Variants in DMD observed in about 807,000 individuals in gnomAD.
The protein encoded by DMD is mutant dystrophin.
In DMD, 63 loss-of-function variants were observed where a neutral mutation model predicts 330.1. The ratio of observed to expected loss-of-function variants is 0.19; its 90% CI spans 0.16 to 0.24. The LOEUF (loss-of-function observed/expected upper bound fraction) is 0.24. Ranked by LOEUF, DMD falls within the 10% of genes least tolerant of loss-of-function variation. The pLI, the probability that DMD is intolerant of heterozygous loss-of-function variation, is 1.00. For missense variants in DMD, 3,344 were observed against 2,684.1 expected (o/e 1.25, Z -5.43); for synonymous variants, 1,223 against 959.8 (o/e 1.27, Z -5.07).
chrX:32,800,405 A>G (rs1171218347), intron 7 of DMD, among the ~76,000 whole-genome samples: 1 of 111,384 alleles, frequency 9.0e-6, no homozygotes, highest in Non-Finnish European at 1.9e-5. Flanking sequence ...TCTTTGAATC[A>G]TCATTGAGAT....
At chrX:31,556,202 C>T (rs2074810146) in intron 55 of DMD, among the ~76,000 whole-genome samples, 1 of 108,569 alleles carries the variant, frequency 9.2e-6, no homozygotes, top group Admixed American at 1.0e-4. Flanking sequence ...CCCATCTCTA[C>T]TAAAAATGCA....
intron 45 of DMD, among the ~76,000 whole-genome samples, chrX:31,936,329 A>G: frequency 1.8e-5 from 2 of 111,587 alleles, no homozygotes; most frequent in Middle Eastern, 4.6e-3. Flanking sequence ...TACTCAGAAC[A>G]CTCGTAAACT....
intron 1 of DMD, among the ~76,000 whole-genome samples, chrX:33,325,758 TG>T (rs1473467551): frequency 4.5e-5 from 5 of 112,308 alleles, no homozygotes; most frequent in Non-Finnish European, 5.6e-5. Flanking sequence ...GGGTGATTGG[TG>T]AACTCCATCA....
intron 7 of DMD, among the ~76,000 whole-genome samples, chrX:32,737,457 G>A (rs1464108801): frequency 9.1e-6 from 1 of 110,058 alleles, no homozygotes; most frequent in Admixed American, 9.8e-5. Context: ...TCTTGCTCCA[G>A]GATTTCTGAT....
chrX:33,200,714 G>A (rs2051211908), intron 1 of DMD, among the ~76,000 whole-genome samples: 1 of 110,216 alleles, frequency 9.1e-6, no homozygotes, highest in Non-Finnish European at 1.9e-5. Context: ...AAAGAGTAGT[G>A]CTACAAATTA....
Position 32,502,076 on chromosome X carries a change from C to CT in DMD, c.2293-235dup, listed in dbSNP as rs748417570. On this transcript the variant is annotated intron_variant, in intron 18 of 78. Coordinates refer to ENST00000357033, the MANE Select transcript of DMD (RefSeq NM_004006.3). ...TTTTAATTATAAGATTTCTACTCAG[C>CT]TTTTTTTTACATTATAGTTTCTGAT... Among the ~76,000 whole-genome samples the CT allele has an allele frequency of 1.0e-3, 116 of 110,973 alleles. 1 individual carries two copies. Among genetic ancestry groups the CT allele is most frequent in the East Asian group, 9.3e-3 (33 of 3,565 alleles).
intron 49 of DMD, among the ~76,000 whole-genome samples, chrX:31,833,452 T>C (rs1393408606): frequency 9.1e-6 from 1 of 110,285 alleles, no homozygotes; most frequent in Non-Finnish European, 1.9e-5. Context: ...GATCCTAAGA[T>C]TTTTCCAGTT....
chrX:33,042,627 T>C lies in DMD; in HGVS notation c.32-22427A>G, dbSNP rs895155119. 7.1e-5 allele frequency among the ~76,000 whole-genome samples: 8 copies of C among 112,688 alleles called. 1 individual carries two copies. The East Asian group carries it at 8.3e-4, about 12-fold the overall frequency. On this transcript the variant is annotated intron_variant, in intron 1 of 78. Transcript: ENST00000357033. ...ACCCGTAAGTGCTACTGATTTTTCA[T>C]TGAACTCAGAGGAGAAAGTTACTGG...
At chrX:33,132,651 C>T (rs2095505991) in intron 1 of DMD, among the ~76,000 whole-genome samples, 1 of 112,476 alleles carries the variant, frequency 8.9e-6, no homozygotes, top group Non-Finnish European at 1.9e-5. Flanking sequence ...GGTATTTAAA[C>T]TTTTAGCATC....
At chrX:32,882,333 G>T (rs775598339) in intron 2 of DMD, among the ~76,000 whole-genome samples, 102 of 111,815 alleles carry the variant, frequency 9.1e-4, no homozygotes, top group African/African-American at 3.2e-3. Context: ...TCTTCTCTTT[G>T]TCAATTTTTC....
At position 31,631,120 on chromosome X, in the gene DMD, A is replaced by G. The variant is rs151100969; in HGVS notation, c.8028-3258T>C. On this transcript the variant is annotated intron_variant, in intron 54 of 78. Coordinates refer to ENST00000357033, the MANE Select transcript of DMD (RefSeq NM_004006.3). ...AATGCAAATTCCCAGGCCTCAGCCT[A>G]GCTCTACTGAATCAGAGACTCTGTG... 8.3e-3 allele frequency among the ~76,000 whole-genome samples: 929 copies of G among 111,486 alleles called. 15 individuals are homozygous for G. Among genetic ancestry groups the G allele is most frequent in the African/African-American group, 0.028 (873 of 30,685 alleles).
At chrX:33,321,819 G>C (rs766256999) in intron 1 of DMD, among the ~76,000 whole-genome samples, 1 of 111,394 alleles carries the variant, frequency 9.0e-6, no homozygotes, top group African/African-American at 3.2e-5. Context: ...AGAACTTCTG[G>C]ATAACTTGCT....
chrX:32,827,384 T>A (rs1411189052), intron 4 of DMD, among the ~76,000 whole-genome samples: 1 of 111,065 alleles, frequency 9.0e-6, no homozygotes, highest in Non-Finnish European at 1.9e-5. Flanking sequence ...GAATTGGAGA[T>A]ATTATATTCA....
chrX:32,714,876 A>T (rs912178696), intron 7 of DMD, among the ~76,000 whole-genome samples: 1 of 111,797 alleles, frequency 8.9e-6, no homozygotes, highest in African/African-American at 3.3e-5. Flanking sequence ...TACACATGTA[A>T]ATGGTTACCA....
chrX:32,746,482 T>C (rs2070027781), intron 7 of DMD, among the ~76,000 whole-genome samples: 1 of 111,913 alleles, frequency 8.9e-6, no homozygotes. Context: ...GGGACCTTTT[T>C]AGAAATACCG....
At chrX:32,420,389 T>C (rs1247480053) in intron 29 of DMD, among the ~76,000 whole-genome samples, 1 of 111,607 alleles carries the variant, frequency 9.0e-6, no homozygotes, top group East Asian at 2.8e-4. Flanking sequence ...AAAATCAAGT[T>C]GGAAAAGATG....
At chrX:32,927,019 C>CA (rs1445115931) in intron 2 of DMD, among the ~76,000 whole-genome samples, 3 of 111,539 alleles carry the variant, frequency 2.7e-5, no homozygotes, top group Admixed American at 9.6e-5. Flanking sequence ...TAATGTCTGA[C>CA]ATATATTAAT....
chrX:31,146,977 T>G (rs2036781891), intron 75 of DMD, among the ~76,000 whole-genome samples: 1 of 112,020 alleles, frequency 8.9e-6, no homozygotes, highest in African/African-American at 3.2e-5. Flanking sequence ...TTTCAAGAAG[T>G]GAAATATTCA....
chrX:32,272,724 T>C (rs908317785), intron 43 of DMD, among the ~76,000 whole-genome samples: 3 of 112,106 alleles, frequency 2.7e-5, no homozygotes, highest in African/African-American at 9.7e-5. Context: ...AAATGATATA[T>C]GTAAGGCTCT....
Sources: allele counts gnomAD v4.1 joint callset (sites outside exome capture counted in the v4.1 genomes callset), GRCh38; gene constraint gnomAD v4.1.1; transcripts MANE v1.5; gene names NCBI Gene and HGNC (gene_info 2026-07-23, HGNC 2026-07-21).